PPARGC1A: variants seen among roughly 807,000 people sequenced by gnomAD.
PPARGC1A encodes the protein PPARG coactivator 1 alpha, also known as peroxisome proliferator-activated receptor gamma coactivator 1-alpha.
In PPARGC1A, 25 loss-of-function variants were observed where a neutral mutation model predicts 88.7. The ratio of observed to expected loss-of-function variants is 0.28; its 90% CI spans 0.21 to 0.39. The LOEUF (loss-of-function observed/expected upper bound fraction) is 0.39, where lower values mean the gene tolerates loss of function less well. Ranked by LOEUF, PPARGC1A falls within the 10% of genes least tolerant of loss-of-function variation. The pLI is 1.00. For missense variants in PPARGC1A, 880 were observed against 968.7 expected (o/e 0.91, Z 1.22); for synonymous variants, 363 against 355.6 (o/e 1.02, Z -0.24).
At chr4:24,323,914 A>G in the PPARGC1A span, among the ~76,000 whole-genome samples, 1 of 151,216 alleles carries the variant, frequency 6.6e-6, no homozygotes, top group Non-Finnish European at 1.5e-5. Context: ...CTATCCCTCA[A>G]CCTCTTTCTC....
chr4:24,193,997 C>T, the PPARGC1A span, among the ~76,000 whole-genome samples: 1 of 152,056 alleles, frequency 6.6e-6, no homozygotes, highest in South Asian at 2.1e-4. Flanking sequence ...GGCTTGGTGG[C>T]ATGCACCTAT....
At chr4:24,353,667 C>T in the PPARGC1A span, among the ~76,000 whole-genome samples, 1 of 152,134 alleles carries the variant, frequency 6.6e-6, no homozygotes, top group Non-Finnish European at 1.5e-5. Context: ...TCATTAATAT[C>T]CAGCACAGAC....
chr4:24,248,277 A>G, the PPARGC1A span, among the ~76,000 whole-genome samples: 1 of 152,076 alleles, frequency 6.6e-6, no homozygotes, highest in African/African-American at 2.4e-5. Flanking sequence ...GGCGCCCGCC[A>G]CCACGCCCGG....
chr4:24,321,435 A>C, the PPARGC1A span, among the ~76,000 whole-genome samples: 22 of 152,360 alleles, frequency 1.4e-4, no homozygotes, highest in African/African-American at 5.3e-4. Context: ...AACTGAAGAC[A>C]GGTTTTCCAC....
chr4:24,144,453 G>A, the PPARGC1A span, among the ~76,000 whole-genome samples: 1 of 151,464 alleles, frequency 6.6e-6, no homozygotes, highest in African/African-American at 2.4e-5. Context: ...AGCGATGCTG[G>A]AGCTGAGTTT....
the PPARGC1A span, among the ~76,000 whole-genome samples, chr4:24,339,229 T>A: frequency 1.0e-5 from 1 of 100,054 alleles, no homozygotes; most frequent in African/African-American, 3.4e-5. Flanking sequence ...TATATATATA[T>A]ATATATATAC....
the PPARGC1A span, among the ~76,000 whole-genome samples, chr4:24,051,676 TGTAA>T: frequency 9.9e-5 from 15 of 152,246 alleles, 1 homozygote; most frequent in African/African-American, 3.1e-4. Flanking sequence ...CTGGCAGGCA[TGTAA>T]GTAAGTGTCC....
At chr4:24,431,119 C>A in the PPARGC1A span, among the ~76,000 whole-genome samples, 2 of 90,840 alleles carry the variant, frequency 2.2e-5, no homozygotes, top group Admixed American at 1.1e-4. Flanking sequence ...AGCAAGACTC[C>A]ATCTCAAAAA....
the PPARGC1A span, among the ~76,000 whole-genome samples, chr4:24,229,241 C>A: frequency 6.9e-6 from 1 of 144,064 alleles, no homozygotes; most frequent in South Asian, 2.3e-4. Flanking sequence ...GAAACCTCCA[C>A]CTCCCGGGTT....
the PPARGC1A span, among the ~76,000 whole-genome samples, chr4:24,081,577 C>G: frequency 6.6e-6 from 1 of 152,056 alleles, no homozygotes; most frequent in Non-Finnish European, 1.5e-5. Flanking sequence ...TTCCACCACA[C>G]AATTTCAATT....
At chr4:24,186,131 G>A in the PPARGC1A span, among the ~76,000 whole-genome samples, 1 of 152,110 alleles carries the variant, frequency 6.6e-6, no homozygotes, top group African/African-American at 2.4e-5. Flanking sequence ...GTGTGCAGAT[G>A]GGAGACTTTA....
the PPARGC1A span, among the ~76,000 whole-genome samples, chr4:23,942,687 C>T: frequency 3.5e-4 from 53 of 152,266 alleles, no homozygotes; most frequent in African/African-American, 1.2e-3. Context: ...TCTTGGAATT[C>T]ATAATTCTTT....
At chr4:24,254,193 C>G in the PPARGC1A span, among the ~76,000 whole-genome samples, 327 of 152,322 alleles carry the variant, frequency 2.1e-3, no homozygotes, top group African/African-American at 7.5e-3. Context: ...CTGGTATCTT[C>G]TAAGTTCTTT....
intron 2 of PPARGC1A, among the ~76,000 whole-genome samples, chr4:23,875,481 C>T (rs150991374): frequency 3.4e-4 from 52 of 151,868 alleles, no homozygotes; most frequent in African/African-American, 1.2e-3. Context: ...AAGGTGTTGT[C>T]GGTCTGTCTA....
At chr4:23,996,552 T>TCTGCTACGTACTTCCC in the PPARGC1A span, among the ~76,000 whole-genome samples, 1 of 152,146 alleles carries the variant, frequency 6.6e-6, no homozygotes, top group Non-Finnish European at 1.5e-5. Context: ...GAGTTCTTCC[T>TCTGCTACGTACTTCCC]CTGCTACGTA....
intron 8 of PPARGC1A, among the ~76,000 whole-genome samples, chr4:23,813,375 T>C (rs1264860859): frequency 6.6e-6 from 1 of 152,190 alleles, no homozygotes; most frequent in East Asian, 1.9e-4. Flanking sequence ...CTGTCAGCTT[T>C]ATCTTGCATG....
At chr4:24,149,401 A>G in the PPARGC1A span, among the ~76,000 whole-genome samples, 1 of 151,644 alleles carries the variant, frequency 6.6e-6, no homozygotes, top group Non-Finnish European at 1.5e-5. Flanking sequence ...TTCTATGACA[A>G]TCTTCTAATT....
the PPARGC1A span, among the ~76,000 whole-genome samples, chr4:24,286,628 C>T: frequency 6.6e-6 from 1 of 152,230 alleles, no homozygotes. Context: ...AATCTGGGCT[C>T]AGATGCCATC....
the PPARGC1A span, among the ~76,000 whole-genome samples, chr4:23,930,149 A>T: frequency 2.6e-5 from 4 of 152,128 alleles, no homozygotes; most frequent in Admixed American, 6.5e-5. Context: ...TAAGTCCCCA[A>T]ATCAGGTTTG....
Sources: gnomAD v4.1 joint callset for allele counts (sites outside exome capture counted in the v4.1 genomes callset) on GRCh38, gnomAD v4.1.1 for gene constraint, MANE v1.5 for transcripts, NCBI Gene and HGNC (gene_info 2026-07-23, HGNC 2026-07-21) for gene names.